The following MAPK8IP3 variants were observed in gnomAD, a reference collection of about 807,000 sequenced individuals.
MAPK8IP3 encodes C-Jun-amino-terminal kinase-interacting protein 3.
In MAPK8IP3, 49 loss-of-function variants were observed where a neutral mutation model predicts 157.8. The ratio of observed to expected loss-of-function variants is 0.31; its 90% confidence interval spans 0.25 to 0.39. MAPK8IP3 has a LOEUF of 0.39. Ranked by LOEUF, MAPK8IP3 falls within the 10% of genes least tolerant of loss-of-function variation. The probability of loss-of-function intolerance (pLI) is 1.00; values close to 1 mark genes in which losing one functional copy is unlikely to be tolerated. For missense variants in MAPK8IP3, 1,478 were observed against 1,889.4 expected (o/e 0.78, Z 4.04); for synonymous variants, 897 against 777.7 (o/e 1.15, Z -2.55).
Position 1,760,364 on chromosome 16 carries a change from TTC to T in MAPK8IP3, c.1305-14_1305-13del. The T allele has an allele frequency of 6.2e-7, 1 of 1,603,146 alleles. No homozygotes were observed. The highest frequency in any genetic ancestry group is 8.5e-7 in the Non-Finnish European group (1 of 1,172,038). On this transcript the variant is annotated splice_polypyrimidine_tract_variant and intron_variant, in intron 11 of 31. Transcript: ENST00000610761. ...TGCCGCGCCCGTGGCACTCCCATCTTTCTGCTTTTTCAAAGAAACGCCTTGAA... is the reference window on the plus strand; with the variant it reads ...TGCCGCGCCCGTGGCACTCCCATCTTTGCTTTTTCAAAGAAACGCCTTGAA...
intron 4 of MAPK8IP3, among the ~76,000 whole-genome samples, chr16:1,730,160 C>T (rs182086610): frequency 2.0e-5 from 3 of 151,800 alleles, no homozygotes; most frequent in African/African-American, 7.3e-5. Context: ...ACTCAGGAGG[C>T]TGAGAGAGGA....
At chr16:1,761,173 CGAGGCCCCTGG>C (rs1567199899) in intron 12 of MAPK8IP3, 40 bp from the exon 13 acceptor site, 1 of 1,462,896 alleles carries the variant, frequency 6.8e-7, no homozygotes, top group East Asian at 2.3e-5. Context: ...TATGTGTTCC[CGAGGCCCCTGG>C]GAGGCCCTCA....
Position 1,767,261 on chromosome 16 carries a change from G to A in MAPK8IP3, c.3201G>A (p.Lys1067=). Reference sequence around the variant, plus strand: ...GCGTGTGGTGTGGCTACAAGAACAAGGTGCACGTCATCCAGCCCAAGACCA... The same window carrying A: ...GCGTGTGGTGTGGCTACAAGAACAAAGTGCACGTCATCCAGCCCAAGACCA... ...YDRVWCGYKN[K]VHVIQPKTMQ... is the part of the protein sequence containing the mutation. Residue 1067 remains lysine (K), a synonymous_variant, in exon 26 of 32, where the codon AAG becomes AAA. Coordinates refer to ENST00000610761, the MANE Select transcript of MAPK8IP3 (RefSeq NM_001318852.2). 1.2e-6 allele frequency: 2 copies of A among 1,613,310 alleles called. No homozygotes were observed. Among genetic ancestry groups the A allele is most frequent in the East Asian group, 2.2e-5 (1 of 44,886 alleles).
At chr16:1,708,576 G>A (rs546397450) in intron 1 of MAPK8IP3, among the ~76,000 whole-genome samples, 2 of 152,192 alleles carry the variant, frequency 1.3e-5, no homozygotes, top group Non-Finnish European at 2.9e-5. Context: ...AGCTCTGTGC[G>A]GTTCACATGC....
In MAPK8IP3 at chr16:1,743,979, C is replaced by T; in HGVS notation, c.747+503C>T. The T allele has an allele frequency of 1.0e-6, 1 of 998,218 alleles. No homozygotes were observed. The allele number at this position is 998,218 out of a possible 1,614,324, so 61.8% of individuals were successfully genotyped here. ...TTCTCTGGGCCCCTCCCTGCCTGTCCCTGGTAACGCCTCCTGGGTCCTGAG... is the reference window on the plus strand; with the variant it reads ...TTCTCTGGGCCCCTCCCTGCCTGTCTCTGGTAACGCCTCCTGGGTCCTGAG... On this transcript the variant is annotated intron_variant, in intron 5 of 31. Transcript: ENST00000610761. This position sits in a 1 kb window ranked among gnomAD's most constrained non-coding sequence, Gnocchi z 5.6.
chr16:1,721,050 A>G (rs1305829065), intron 1 of MAPK8IP3, among the ~76,000 whole-genome samples: 1 of 151,734 alleles, frequency 6.6e-6, no homozygotes, highest in Non-Finnish European at 1.5e-5. Context: ...AAAAAAAACA[A>G]AACAAGGCTG....
intron 10 of MAPK8IP3, 123 bp downstream of exon 10, chr16:1,759,118 G>A (rs1004183581): frequency 7.6e-7 from 1 of 1,320,598 alleles, no homozygotes; most frequent in African/African-American, 1.5e-5. Context: ...GGGTCAGGGG[G>A]GCAGCCCTGA....
At chr16:1,709,544 G>A (rs1026003408) in intron 1 of MAPK8IP3, among the ~76,000 whole-genome samples, 6 of 152,272 alleles carry the variant, frequency 3.9e-5, no homozygotes, top group African/African-American at 7.2e-5. Context: ...GGCAGGCACC[G>A]GACATTGCTA....
chr16:1,754,771 AAAG>A (rs1157235594), intron 8 of MAPK8IP3, among the ~76,000 whole-genome samples: 20 of 145,494 alleles, frequency 1.4e-4, no homozygotes, highest in Middle Eastern at 3.4e-3. Context: ...AAAAAAAAAA[AAAG>A]AAGAAGAAAA....
At chr16:1,760,110 C>T (rs771751660) in intron 11 of MAPK8IP3, 95 bp downstream of exon 11, 65 of 1,372,724 alleles carry the variant, frequency 4.7e-5, no homozygotes, top group Non-Finnish European at 6.5e-5. Flanking sequence ...TTGGGGAGCA[C>T]CTGGCTCCAA....
chr16:1,731,929 A>G (rs547157676), intron 4 of MAPK8IP3, among the ~76,000 whole-genome samples: 11 of 152,122 alleles, frequency 7.2e-5, no homozygotes, highest in Non-Finnish European at 1.6e-4. Context: ...TTCCTTCCAC[A>G]GGGTGGGGGT....
intron 1 of MAPK8IP3, among the ~76,000 whole-genome samples, chr16:1,718,362 T>G (rs890063329): frequency 1.3e-5 from 2 of 151,592 alleles, no homozygotes; most frequent in African/African-American, 4.8e-5. Context: ...TTTTGTATTT[T>G]TAGTAGAGAC....
chr16:1,762,990 G>A lies in MAPK8IP3; in HGVS notation c.1882G>A (p.Glu628Lys). The change falls in exon 16 of 32, where the codon GAA (glutamate) becomes AAA (lysine). Residue 628 changes from glutamate to lysine, a missense_variant. By Grantham distance (56) the Glu-to-Lys change is moderately conservative. Transcript: ENST00000610761. ...GATCTCGGCAGGCAGCCGGCCCCTGGAATTCTTCCCTGACGAGTGAGTGTC... is the reference window on the plus strand; with the variant it reads ...GATCTCGGCAGGCAGCCGGCCCCTGAAATTCTTCCCTGACGAGTGAGTGTC... ...CPISAGSRPL[E>K]FFPDDDCTSS... 6.2e-7 allele frequency: 1 copy of A among 1,612,852 alleles called. No homozygotes were observed. Among genetic ancestry groups the A allele is most frequent in the Non-Finnish European group, 8.5e-7 (1 of 1,179,964 alleles).
At chr16:1,748,950 G>A in intron 8 of MAPK8IP3, 2 of 681,526 alleles carry the variant, frequency 2.9e-6, no homozygotes, top group Non-Finnish European at 5.5e-6. Flanking sequence ...TCAAGTCCCT[G>A]CTCTGAAGTG....
chr16:1,737,475 TGTGTGACCGTCC>T (rs1417172782), intron 4 of MAPK8IP3, among the ~76,000 whole-genome samples: 1 of 86,382 alleles, frequency 1.2e-5, no homozygotes, highest in African/African-American at 4.6e-5. Context: ...TGTGAGCATC[TGTGTGACCGTCC>T]GTGTGAGCGT....
chr16:1,764,122 C>T lies in MAPK8IP3; in HGVS notation c.2033C>T (p.Pro678Leu). 1 of 1,608,704 alleles carries T rather than the reference C, an allele frequency of 6.2e-7. No individual in the cohort carries two copies. The highest frequency in any genetic ancestry group is 8.5e-7 in the Non-Finnish European group (1 of 1,178,048). ...SLPAKYKQLS[P>L]NGGQEDTRMK... is the part of the protein sequence containing the mutation. ...CCTCCCTGCTCCCTGCAGCTGAGTC[C>T]CAACGGGGGCCAGGAGGACACGCGG... The change falls in exon 18 of 32, where the codon CCC becomes CTC. Residue 678 changes from proline (P) to leucine (L), a missense_variant. Transcript: ENST00000610761.
Position 1,766,917 on chromosome 16 carries a change from C to T in MAPK8IP3, c.3034C>T (p.Arg1012Cys), listed in dbSNP as rs1407165531. 5 of 1,600,938 alleles carry T rather than the reference C, an allele frequency of 3.1e-6. No homozygotes were observed. The highest frequency in any genetic ancestry group is 1.3e-5 in the African/African-American group (1 of 74,750). The change falls in exon 25 of 32, where the codon CGT becomes TGT. Residue 1012 changes from arginine to cysteine, a missense_variant. Physicochemically the swap from Arg to Cys is radical, Grantham distance 180. Coordinates refer to ENST00000610761, the MANE Select transcript of MAPK8IP3 (RefSeq NM_001318852.2). ...TTCCTGTTTCAGGCATGTCAAAGGC[C>T]GTGTGCTGGTGGCTCTGGCGGACGG... ...SVLSLVHVKGRVLVALADGTL... is the reference protein window; with the variant it reads ...SVLSLVHVKGCVLVALADGTL...
intron 8 of MAPK8IP3, chr16:1,748,969 T>C: frequency 1.5e-6 from 1 of 645,764 alleles, no homozygotes; most frequent in Non-Finnish European, 2.9e-6. Context: ...TGGTGTAGTG[T>C]TTGCACCCTC....
In MAPK8IP3 at chr16:1,762,335, G is replaced by A; in HGVS notation, c.1540-16G>A. On this transcript the variant is annotated splice_polypyrimidine_tract_variant and intron_variant, in intron 13 of 31. Coordinates refer to ENST00000610761, the MANE Select transcript of MAPK8IP3 (RefSeq NM_001318852.2). ...CTCCGAGGGCTGGCTGAGCCTCTGT[G>A]CCCCTCCCTCCGCAGGACAAAATCC... is the stretch of plus-strand genomic sequence containing the variant. The A allele has an allele frequency of 6.4e-7, 1 of 1,561,024 alleles. No homozygotes were observed. Among genetic ancestry groups the A allele is most frequent in the Non-Finnish European group, 8.7e-7 (1 of 1,154,246 alleles).
Sources: gnomAD v4.1 joint callset for allele counts (sites outside exome capture counted in the v4.1 genomes callset) on GRCh38, gnomAD v4.1.1 for gene constraint, Gnocchi (gnomAD v3.1) non-coding constraint, MANE v1.5 for transcripts, NCBI Gene and HGNC (gene_info 2026-07-23, HGNC 2026-07-21) for gene names.